SORCS3: variants seen among roughly 807,000 people sequenced by gnomAD.
SORCS3 encodes the protein VPS10 domain-containing receptor SorCS3.
Under a neutral mutation model 146.3 loss-of-function variants are expected in SORCS3, and 57 were observed. The observed-to-expected ratio is 0.39, with a 90% confidence interval of 0.31 to 0.49. SORCS3 has a LOEUF of 0.49. SORCS3 is among the 20% of genes least tolerant of loss of function. SORCS3 has a pLI of 0.92. For synonymous variants in SORCS3, 653 were observed against 618.5 expected, an observed-to-expected ratio of 1.06 and a Z score of -0.83; for missense variants, 1,341 against 1,575.5, an observed-to-expected ratio of 0.85 and a Z score of 2.52.
At chr10:105,021,514 C>G (rs1589597663) in intron 4 of SORCS3, among the ~76,000 whole-genome samples, 2 of 152,248 alleles carry the variant, frequency 1.3e-5, no homozygotes, top group Middle Eastern at 6.8e-3. Flanking sequence ...CTTTTCTTTG[C>G]TCTTTTAGAA....
chr10:104,718,164 AAATG>A (rs1490459426), intron 1 of SORCS3, among the ~76,000 whole-genome samples: 2 of 151,526 alleles, frequency 1.3e-5, no homozygotes, highest in East Asian at 3.9e-4. Context: ...ATAAATAAAT[AAATG>A]AATAAATAAA....
intron 20 of SORCS3, among the ~76,000 whole-genome samples, chr10:105,228,953 A>G (rs1004531753): frequency 1.3e-5 from 2 of 152,100 alleles, no homozygotes; most frequent in African/African-American, 4.8e-5. Context: ...TAATTATTTC[A>G]TTTTCTTTTT....
chr10:105,227,339 G>A (rs1414083501), intron 20 of SORCS3, among the ~76,000 whole-genome samples: 1 of 152,022 alleles, frequency 6.6e-6, no homozygotes, highest in East Asian at 1.9e-4. Flanking sequence ...TAATTTCTAT[G>A]TATTTGTACA....
chr10:105,054,039 G>A (rs2055430293), intron 5 of SORCS3, among the ~76,000 whole-genome samples: 1 of 151,874 alleles, frequency 6.6e-6, no homozygotes, highest in South Asian at 2.1e-4. Flanking sequence ...TGCAAAAATG[G>A]GTTTTCCTTG....
At chr10:104,880,308 A>G (rs2018618301) in intron 2 of SORCS3, among the ~76,000 whole-genome samples, 1 of 152,236 alleles carries the variant, frequency 6.6e-6, no homozygotes. Context: ...ACTATTGGAC[A>G]GCAAAGTTTC....
At chr10:104,787,266 G>T (rs1055301112) in intron 1 of SORCS3, among the ~76,000 whole-genome samples, 29 of 152,242 alleles carry the variant, frequency 1.9e-4, no homozygotes, top group African/African-American at 7.0e-4. Context: ...CCTGGTAGGG[G>T]GTAAGGTTGA....
intron 14 of SORCS3, among the ~76,000 whole-genome samples, chr10:105,194,418 TTTGA>T (rs1411219725): frequency 1.3e-5 from 2 of 152,006 alleles, no homozygotes; most frequent in Admixed American, 6.6e-5. Context: ...ATGTTGGGGG[TTTGA>T]TTATGTTGGT....
intron 3 of SORCS3, among the ~76,000 whole-genome samples, chr10:104,962,950 C>A (rs1415889897): frequency 6.6e-6 from 1 of 152,180 alleles, no homozygotes; most frequent in Non-Finnish European, 1.5e-5. Flanking sequence ...GTCCAGCCTG[C>A]ATTTCATGCA....
At chr10:104,743,482 C>T (rs973996854) in intron 1 of SORCS3, among the ~76,000 whole-genome samples, 3 of 152,136 alleles carry the variant, frequency 2.0e-5, no homozygotes, top group Non-Finnish European at 2.9e-5. Flanking sequence ...TGGTCCAGTG[C>T]AGGGAGGCCA....
intron 20 of SORCS3, among the ~76,000 whole-genome samples, chr10:105,236,566 A>G (rs2056794086): frequency 6.6e-6 from 1 of 152,088 alleles, no homozygotes; most frequent in Non-Finnish European, 1.5e-5. Context: ...TTCTGTGTGC[A>G]AGAAGGGCAG....
chr10:105,150,653 G>A (rs1355330284), intron 9 of SORCS3, among the ~76,000 whole-genome samples: 1 of 152,148 alleles, frequency 6.6e-6, no homozygotes, highest in African/African-American at 2.4e-5. Context: ...AAGAATGAGG[G>A]CTGGATAAAT....
chr10:104,883,721 G>A (rs903777782), intron 2 of SORCS3, among the ~76,000 whole-genome samples: 3 of 152,090 alleles, frequency 2.0e-5, no homozygotes, highest in Non-Finnish European at 4.4e-5. Flanking sequence ...AGGAGACAGG[G>A]GTCTTTTCAT....
intron 22 of SORCS3, among the ~76,000 whole-genome samples, chr10:105,250,760 T>C (rs1198611192): frequency 3.3e-5 from 5 of 152,198 alleles, no homozygotes; most frequent in Admixed American, 3.3e-4. Flanking sequence ...TTTGAAAGAA[T>C]GTTGAGGCAT....
chr10:104,715,318 CTTCTT>C (rs2016463366), intron 1 of SORCS3, among the ~76,000 whole-genome samples: 1 of 152,158 alleles, frequency 6.6e-6, no homozygotes, highest in Admixed American at 6.5e-5. Context: ...CACTCTCTCT[CTTCTT>C]AAGTTGGGAC....
At chr10:104,990,796 G>A (rs374109335) in intron 4 of SORCS3, among the ~76,000 whole-genome samples, 1 of 152,132 alleles carries the variant, frequency 6.6e-6, no homozygotes, top group East Asian at 1.9e-4. Context: ...GATGAGGACT[G>A]GCTGGAAAAG....
rs539635253 is a variant in SORCS3 at position 105,112,476 on chromosome 10, C to G, written c.1212+6961C>G. On this transcript the variant is annotated intron_variant, in intron 7 of 26. Coordinates refer to ENST00000369701, the MANE Select transcript of SORCS3 (RefSeq NM_014978.3). ...ATAAAGTTGCCTCTGCAGGTTTTGT[C>G]AAAGCAGAAAACCCACAGACCAACA... Among the ~76,000 whole-genome samples, 3 of 152,224 alleles carry G rather than the reference C, an allele frequency of 2.0e-5. No homozygotes were observed. In the South Asian group the frequency reaches 6.2e-4, roughly 32 times the overall value.
chr10:105,191,863 C>T (rs1001358711), intron 14 of SORCS3, among the ~76,000 whole-genome samples: 25 of 152,202 alleles, frequency 1.6e-4, no homozygotes, highest in African/African-American at 5.3e-4. Context: ...TAGCCACTCA[C>T]CTCCTGCTGT....
At chr10:104,700,178 T>C (rs1230280931) in intron 1 of SORCS3, among the ~76,000 whole-genome samples, 2 of 152,208 alleles carry the variant, frequency 1.3e-5, no homozygotes, top group Non-Finnish European at 2.9e-5. Context: ...TAAGGTGGCC[T>C]GAGGTGTGCA....
chr10:104,890,340 T>C (rs2018737133), intron 2 of SORCS3, among the ~76,000 whole-genome samples: 1 of 152,180 alleles, frequency 6.6e-6, no homozygotes, highest in Non-Finnish European at 1.5e-5. Context: ...TGTTCATTTT[T>C]TCCTCAGTTT....
Sources: gnomAD v4.1 joint callset for allele counts (sites outside exome capture counted in the v4.1 genomes callset) on GRCh38, gnomAD v4.1.1 for gene constraint, MANE v1.5 for transcripts, NCBI Gene and HGNC (gene_info 2026-07-23, HGNC 2026-07-21) for gene names.